Variants in ENPP2 observed in about 807,000 individuals in gnomAD.
ENPP2 encodes autotaxin.
In ENPP2, 51 loss-of-function variants were observed where a neutral mutation model predicts 120.2. The ratio of observed to expected loss-of-function variants is 0.42; its 90% CI spans 0.34 to 0.54. The LOEUF is 0.54. ENPP2 is among the 20% of genes least tolerant of loss of function. The pLI is 0.04. For synonymous variants in ENPP2, 365 were observed against 366.4 expected (o/e 1.00, Z 0.04); for missense variants, 920 against 1,066.5 (o/e 0.86, Z 1.91).
At chr8:119,568,480 T>C (rs1394314480) in intron 21 of ENPP2, among the ~76,000 whole-genome samples, 1 of 143,366 alleles carries the variant, frequency 7.0e-6, no homozygotes, top group African/African-American at 2.9e-5. Flanking sequence ...ATTTACAATG[T>C]TTTTTTCTTA....
intron 12 of ENPP2, among the ~76,000 whole-genome samples, chr8:119,592,397 C>T (rs575783024): frequency 5.8e-4 from 84 of 143,750 alleles, no homozygotes; most frequent in Admixed American, 1.0e-3. Flanking sequence ...CACTTGAACC[C>T]GGGAGGTGGA....
intron 2 of ENPP2, among the ~76,000 whole-genome samples, chr8:119,634,316 C>T (rs1438829887): frequency 1.3e-5 from 2 of 151,998 alleles, no homozygotes; most frequent in South Asian, 2.1e-4. Flanking sequence ...AAAAACTTTA[C>T]TTCAACATCT....
chr8:119,599,622 C>T (rs1814143891), intron 11 of ENPP2, among the ~76,000 whole-genome samples: 1 of 152,150 alleles, frequency 6.6e-6, no homozygotes, highest in African/African-American at 2.4e-5. Context: ...CATTTCTAAC[C>T]ATTCCTTTCC....
chr8:119,594,033 A>C (rs1813721393), intron 11 of ENPP2, among the ~76,000 whole-genome samples, 173 bp from the exon 12 acceptor site: 1 of 152,196 alleles, frequency 6.6e-6, no homozygotes, highest in South Asian at 2.1e-4. Flanking sequence ...TAAGCACGTT[A>C]TATTTGTATT....
At chr8:119,573,828 A>G (rs1812144361) in intron 19 of ENPP2, among the ~76,000 whole-genome samples, 1 of 152,234 alleles carries the variant, frequency 6.6e-6, no homozygotes, top group Admixed American at 6.5e-5. Context: ...AGAAAAGAAA[A>G]GAAAGAAATT....
intron 1 of ENPP2, among the ~76,000 whole-genome samples, chr8:119,672,271 G>A (rs1818273280): frequency 6.6e-6 from 1 of 152,228 alleles, no homozygotes; most frequent in African/African-American, 2.4e-5. Flanking sequence ...CTGATGAGCA[G>A]AAGTGCAGAA....
At chr8:119,630,032 C>T (rs771662193) in intron 2 of ENPP2, among the ~76,000 whole-genome samples, 37 of 152,022 alleles carry the variant, frequency 2.4e-4, no homozygotes, top group Non-Finnish European at 4.6e-4. Flanking sequence ...TACAGATGTG[C>T]GGTGTTCCTG....
intron 14 of ENPP2, 130 bp downstream of exon 14, chr8:119,586,914 C>T: frequency 1.4e-6 from 1 of 723,116 alleles, no homozygotes; most frequent in Non-Finnish European, 2.4e-6. Flanking sequence ...AACAAATATA[C>T]AGGATGGCAG....
chr8:119,581,839 A>C (rs1812765549), intron 18 of ENPP2, among the ~76,000 whole-genome samples: 1 of 148,898 alleles, frequency 6.7e-6, no homozygotes, highest in Non-Finnish European at 1.5e-5. Flanking sequence ...GGCTCACTGC[A>C]ACCTCTGCCT....
At chr8:119,626,110 C>A (rs1209554908) in intron 3 of ENPP2, among the ~76,000 whole-genome samples, 1 of 152,130 alleles carries the variant, frequency 6.6e-6, no homozygotes, top group Non-Finnish European at 1.5e-5. Context: ...ATAATCCTAG[C>A]ACTTTGGGAG....
intron 12 of ENPP2, among the ~76,000 whole-genome samples, chr8:119,591,016 A>AAAAAAAC (rs1554612815): frequency 6.7e-6 from 1 of 149,258 alleles, no homozygotes; most frequent in African/African-American, 2.5e-5. Flanking sequence ...AAAAAAAAAA[A>AAAAAAAC]CCCTAGGTTG....
At chr8:119,647,057 G>T (rs1326341835) in intron 1 of ENPP2, among the ~76,000 whole-genome samples, 1 of 151,296 alleles carries the variant, frequency 6.6e-6, no homozygotes, top group African/African-American at 2.4e-5. Flanking sequence ...GAGTGCAGTG[G>T]CACAATCTTG....
chr8:119,658,518 G>A (rs1368767651), intron 1 of ENPP2, among the ~76,000 whole-genome samples: 6 of 152,184 alleles, frequency 3.9e-5, no homozygotes, highest in Non-Finnish European at 8.8e-5. Flanking sequence ...GGCACATCTA[G>A]GTTCAAACCT....
At chr8:119,595,795 C>T in intron 11 of ENPP2, 1 of 1,594,598 alleles carries the variant, frequency 6.3e-7, no homozygotes, top group Non-Finnish European at 8.6e-7. Context: ...TGAAGGCAAC[C>T]TTCAACTCAG....
rs60632673 is a variant in ENPP2 at position 119,610,490 on chromosome 8, AAGAG to A, written c.778-2517_778-2514del. 2.3e-3 allele frequency among the ~76,000 whole-genome samples: 344 copies of A among 148,112 alleles called. 1 individual carries two copies. The highest frequency in any genetic ancestry group is 6.1e-3 in the African/African-American group (246 of 40,296). ...TGAATACAAGCCGATAAGGTTATAA[AAGAG>A]AGAGAGAGAGAGAGAGAGAGAGAAG... On this transcript the variant is annotated intron_variant, in intron 8 of 24. Coordinates refer to ENST00000075322, the MANE Select transcript of ENPP2 (RefSeq NM_001040092.3).
intron 19 of ENPP2, among the ~76,000 whole-genome samples, chr8:119,575,224 T>C (rs1372025904): frequency 3.9e-5 from 6 of 152,168 alleles, no homozygotes; most frequent in South Asian, 2.1e-4. Flanking sequence ...CACAAAATAA[T>C]TCAGCTGCAT....
rs114373239 is a variant in ENPP2, at chr8:119,664,413, A to G, written c.21+8839T>C. 2.6e-3 allele frequency among the ~76,000 whole-genome samples: 402 copies of G among 152,224 alleles called. 4 individuals are homozygous for G. The highest frequency in any genetic ancestry group is 7.7e-3 in the African/African-American group (320 of 41,528). On this transcript the variant is annotated intron_variant, in intron 1 of 25. Coordinates refer to the ENPP2 transcript ENST00000427067. ...GAAAGGATGAGAATTCCCATCTCAC[A>G]CGCTTTGGTCAGGGTCAAGGAGATA...
chr8:119,587,179 A>G (rs1021109371), intron 13 of ENPP2, 104 bp from the exon 14 acceptor site: 33 of 900,842 alleles, frequency 3.7e-5, no homozygotes, highest in Non-Finnish European at 5.4e-5. Flanking sequence ...CATCCCACAG[A>G]AGACTATCAC....
chr8:119,635,847 T>C (rs1816967860), intron 2 of ENPP2, among the ~76,000 whole-genome samples: 1 of 152,166 alleles, frequency 6.6e-6, no homozygotes. Context: ...TGACAGTCTG[T>C]TTGCACTGCC....
Sources: gnomAD v4.1 joint callset for allele counts (sites outside exome capture counted in the v4.1 genomes callset) on GRCh38, gnomAD v4.1.1 for gene constraint, MANE v1.5 for transcripts, NCBI Gene and HGNC (gene_info 2026-07-23, HGNC 2026-07-21) for gene names.